Variants in ATE1 observed in about 807,000 individuals in gnomAD.
The protein encoded by ATE1 is arginyl-tRNA--protein transferase 1.
A neutral mutation model predicts 70.5 loss-of-function variants in ATE1; 36 were observed. The observed-to-expected ratio is 0.51, with a 90% CI of 0.39 to 0.67. The LOEUF (loss-of-function observed/expected upper bound fraction) is 0.67. ATE1 is among the 30% of genes least tolerant of loss of function. The pLI is 0.00. For synonymous variants in ATE1, 232 were observed against 219.3 expected (o/e 1.06, Z -0.51); for missense variants, 593 against 629.5 (o/e 0.94, Z 0.62).
At chr10:121,794,054 A>AT (rs1946558195) in intron 10 of ATE1, among the ~76,000 whole-genome samples, 1 of 152,208 alleles carries the variant, frequency 6.6e-6, no homozygotes, top group Admixed American at 6.5e-5. Flanking sequence ...CCTCAGCATC[A>AT]TTTTTAAAAC....
chr10:121,801,893 A>G (rs1228033037), intron 10 of ATE1, among the ~76,000 whole-genome samples: 1 of 151,954 alleles, frequency 6.6e-6, no homozygotes. Flanking sequence ...TGGCTCTCCA[A>G]TATCTATAAG....
At chr10:121,922,479 A>C (rs1229332667) in intron 2 of ATE1, 68 bp from the exon 3 acceptor site, 1 of 919,356 alleles carries the variant, frequency 1.1e-6, no homozygotes, top group East Asian at 2.6e-5. Context: ...AGCCTAGCAC[A>C]GGAGCATTAA....
At chr10:121,774,131 A>G (rs1027504020) in intron 11 of ATE1, among the ~76,000 whole-genome samples, 4 of 152,216 alleles carry the variant, frequency 2.6e-5, no homozygotes, top group Admixed American at 1.3e-4. Context: ...GCTTCGTTGC[A>G]AGAGAGCCTT....
chr10:121,765,489 T>C (rs1945242990), intron 11 of ATE1, among the ~76,000 whole-genome samples: 1 of 152,212 alleles, frequency 6.6e-6, no homozygotes, highest in Admixed American at 6.5e-5. Context: ...GGCCTACAGA[T>C]AAATAATGAT....
At chr10:121,869,121 A>G (rs1367781969) in intron 8 of ATE1, among the ~76,000 whole-genome samples, 1 of 152,220 alleles carries the variant, frequency 6.6e-6, no homozygotes, top group Non-Finnish European at 1.5e-5. Flanking sequence ...TAGTGCCATG[A>G]TGTGACTAGC....
intron 10 of ATE1, among the ~76,000 whole-genome samples, chr10:121,809,865 C>T (rs1027245680): frequency 1.3e-5 from 2 of 149,300 alleles, no homozygotes; most frequent in Admixed American, 6.7e-5. Flanking sequence ...GGAGTGTGTG[C>T]AATTTGGAAA....
intron 11 of ATE1, among the ~76,000 whole-genome samples, chr10:121,764,203 TAA>T (rs35119827): frequency 1.1e-3 from 162 of 146,632 alleles, no homozygotes; most frequent in African/African-American, 2.4e-3. Context: ...CTAAAGCTGT[TAA>T]AAAAAAAAAA....
chr10:121,848,850 G>T (rs1041260772), intron 8 of ATE1, among the ~76,000 whole-genome samples: 1 of 151,806 alleles, frequency 6.6e-6, no homozygotes, highest in African/African-American at 2.4e-5. Context: ...GACGGTGGTC[G>T]CAGTGAACCA....
At chr10:121,899,050 TCTC>T in intron 7 of ATE1, 1 of 1,483,870 alleles carries the variant, frequency 6.7e-7, no homozygotes, top group East Asian at 2.4e-5. Flanking sequence ...TACAGTAAGA[TCTC>T]CACAAATCCA....
At chr10:121,858,553 C>G (rs1346252149) in intron 8 of ATE1, among the ~76,000 whole-genome samples, 1 of 149,664 alleles carries the variant, frequency 6.7e-6, no homozygotes, top group African/African-American at 2.4e-5. Flanking sequence ...TCTTTGGATA[C>G]CCGAATAGTT....
intron 7 of ATE1, 144 bp from the exon 8 acceptor site, chr10:121,870,182 A>T: frequency 1.4e-6 from 1 of 724,978 alleles, no homozygotes; most frequent in South Asian, 2.1e-5. Flanking sequence ...TAATGTGTCC[A>T]TAAAATTCAT....
At chr10:121,769,436 A>T (rs1945410477) in intron 11 of ATE1, among the ~76,000 whole-genome samples, 1 of 152,208 alleles carries the variant, frequency 6.6e-6, no homozygotes, top group Non-Finnish European at 1.5e-5. Flanking sequence ...ATGTGAAATG[A>T]TGAGACTTTT....
intron 8 of ATE1, among the ~76,000 whole-genome samples, chr10:121,848,913 A>T (rs552844887): frequency 1.8e-3 from 272 of 150,294 alleles, no homozygotes; most frequent in African/African-American, 6.5e-3. Flanking sequence ...TCCCTCTAAA[A>T]AAAAAAGTAT....
At chr10:121,891,702 A>C (rs959307456) in intron 7 of ATE1, among the ~76,000 whole-genome samples, 12 of 152,126 alleles carry the variant, frequency 7.9e-5, no homozygotes, top group Non-Finnish European at 1.6e-4. Flanking sequence ...AAAATAACCT[A>C]TTTTTCAGAG....
intron 8 of ATE1, among the ~76,000 whole-genome samples, chr10:121,843,521 C>A (rs1172944990): frequency 6.6e-6 from 1 of 152,156 alleles, no homozygotes; most frequent in Non-Finnish European, 1.5e-5. Flanking sequence ...ACTGTTGACA[C>A]TCCCAATGTC....
chr10:121,921,812 C>T (rs1022648071), intron 3 of ATE1, among the ~76,000 whole-genome samples: 13 of 152,248 alleles, frequency 8.5e-5, no homozygotes, highest in African/African-American at 3.1e-4. Flanking sequence ...GTCTTTGTTC[C>T]GGGCCCAGTC....
chr10:121,841,279 G>A lies in ATE1; in HGVS notation c.976-16C>T. On this transcript the variant is annotated splice_polypyrimidine_tract_variant and intron_variant, in intron 8 of 11. Transcript: ENST00000224652. ...GAGTCTCTGCCTAAGAAAAAGCAGA[G>A]GCACAAACAGCCATTTTTTTAATAT... The A allele has an allele frequency of 7.1e-7, 1 of 1,410,332 alleles. No individual in the cohort carries two copies. Among genetic ancestry groups the A allele is most frequent in the Non-Finnish European group, 9.3e-7 (1 of 1,073,738 alleles). The allele number at this position is 1,410,332 out of a possible 1,614,324, so 87.4% of individuals were successfully genotyped here. A position where few individuals can be genotyped will look rare whatever the true frequency, so the allele number is the denominator to read the frequency against.
intron 10 of ATE1, among the ~76,000 whole-genome samples, chr10:121,800,882 T>C (rs1358405728): frequency 6.6e-6 from 1 of 152,134 alleles, no homozygotes; most frequent in Non-Finnish European, 1.5e-5. Context: ...TTAAACCCAG[T>C]CTTTCCCCTG....
At chr10:121,809,855 GGA>G in intron 10 of ATE1, among the ~76,000 whole-genome samples, 1 of 151,920 alleles carries the variant, frequency 6.6e-6, no homozygotes, top group South Asian at 2.1e-4. Flanking sequence ...AGGGAAACCA[GGA>G]GTGTGTGCAA....
Sources: allele counts gnomAD v4.1 joint callset (sites outside exome capture counted in the v4.1 genomes callset), GRCh38; gene constraint gnomAD v4.1.1; transcripts MANE v1.5; gene names NCBI Gene and HGNC (gene_info 2026-07-23, HGNC 2026-07-21).